The following ROBO2 variants were observed in gnomAD, a reference collection of about 807,000 sequenced individuals.
The protein encoded by ROBO2 is roundabout guidance receptor 2, also known as roundabout homolog 2.
Under a neutral mutation model 160.8 loss-of-function variants are expected in ROBO2, and 53 were observed. The observed-to-expected ratio is 0.33, with a 90% CI of 0.26 to 0.41. The LOEUF is 0.41. Ranked by LOEUF, ROBO2 falls within the 10% of genes least tolerant of loss-of-function variation. The pLI is 1.00. For missense variants in ROBO2, 1,577 were observed against 1,722.4 expected (o/e 0.92, Z 1.49); for synonymous variants, 664 against 611.7 (o/e 1.09, Z -1.26).
chr3:76,479,537 C>G (rs1326811762), intron 2 of ROBO2, among the ~76,000 whole-genome samples: 1 of 152,144 alleles, frequency 6.6e-6, no homozygotes. Context: ...TATAATATTT[C>G]CAGCTTATAC....
At chr3:75,944,726 A>T (rs1948204901) in intron 2 of ROBO2, among the ~76,000 whole-genome samples, 1 of 152,220 alleles carries the variant, frequency 6.6e-6, no homozygotes, top group Non-Finnish European at 1.5e-5. Context: ...GCATTATCAA[A>T]GCATGAACTG....
At chr3:76,318,648 T>G (rs2072251033) in intron 2 of ROBO2, among the ~76,000 whole-genome samples, 1 of 152,136 alleles carries the variant, frequency 6.6e-6, no homozygotes, top group Non-Finnish European at 1.5e-5. Flanking sequence ...CATTATAAGC[T>G]ACATTTTCAA....
intron 2 of ROBO2, among the ~76,000 whole-genome samples, chr3:76,337,523 G>T (rs1315959125): frequency 6.6e-6 from 1 of 151,956 alleles, no homozygotes; most frequent in Admixed American, 6.6e-5. Context: ...TTACAGGATT[G>T]TATCTATTTT....
intron 2 of ROBO2, among the ~76,000 whole-genome samples, chr3:77,438,324 T>G (rs909157839): frequency 6.6e-6 from 1 of 151,854 alleles, no homozygotes; most frequent in Non-Finnish European, 1.5e-5. Context: ...GGACTAGCAA[T>G]TGTCCAAATG....
chr3:76,209,775 G>A (rs1703029619), intron 2 of ROBO2, among the ~76,000 whole-genome samples: 1 of 152,034 alleles, frequency 6.6e-6, no homozygotes, highest in African/African-American at 2.4e-5. Flanking sequence ...ACTACACAGG[G>A]GTATAGAGAA....
chr3:76,620,152 T>C (rs1033381722), intron 2 of ROBO2, among the ~76,000 whole-genome samples: 3 of 152,192 alleles, frequency 2.0e-5, no homozygotes, highest in Non-Finnish European at 4.4e-5. Context: ...TTAAGTAATG[T>C]CAAAGTGATG....
chr3:76,136,658 G>A (rs1647862001), intron 2 of ROBO2, among the ~76,000 whole-genome samples: 1 of 151,768 alleles, frequency 6.6e-6, no homozygotes, highest in Non-Finnish European at 1.5e-5. Context: ...AGCCTGTGAA[G>A]GATTCATTAC....
intron 2 of ROBO2, among the ~76,000 whole-genome samples, chr3:76,521,731 T>C (rs988824082): frequency 1.3e-5 from 2 of 152,188 alleles, no homozygotes; most frequent in African/African-American, 4.8e-5. Flanking sequence ...TTTTCTTTTG[T>C]TCCTTGCCTT....
chr3:75,979,769 G>GC (rs2065227697), intron 2 of ROBO2, among the ~76,000 whole-genome samples: 1 of 151,556 alleles, frequency 6.6e-6, no homozygotes, highest in South Asian at 2.1e-4. Flanking sequence ...AAGCCTGAAA[G>GC]CTACACATTG....
intron 2 of ROBO2, among the ~76,000 whole-genome samples, chr3:76,603,257 G>A (rs187531136): frequency 0.029 from 4,205 of 147,406 alleles, 225 homozygotes; most frequent in African/African-American, 0.1. Flanking sequence ...GCGTGAACCC[G>A]GGAGGCAGAG....
intron 2 of ROBO2, among the ~76,000 whole-genome samples, chr3:76,582,099 C>T (rs1426701866): frequency 6.6e-6 from 1 of 152,080 alleles, no homozygotes; most frequent in Non-Finnish European, 1.5e-5. Flanking sequence ...GTGCCATTGA[C>T]CTGTCCTGAG....
At chr3:76,511,597 A>T (rs1468405251) in intron 2 of ROBO2, among the ~76,000 whole-genome samples, 1 of 152,210 alleles carries the variant, frequency 6.6e-6, no homozygotes, top group Non-Finnish European at 1.5e-5. Flanking sequence ...GAACAGAGGC[A>T]TGAGTGTGGG....
chr3:77,569,457 CT>C (rs890821825), intron 13 of ROBO2, among the ~76,000 whole-genome samples: 67 of 150,844 alleles, frequency 4.4e-4, no homozygotes, highest in Non-Finnish European at 8.3e-4. Context: ...CCTAATTGAA[CT>C]TTTTTTTTAG....
intron 2 of ROBO2, among the ~76,000 whole-genome samples, chr3:76,305,124 C>A (rs1269941542): frequency 4.0e-5 from 6 of 151,826 alleles, no homozygotes; most frequent in Non-Finnish European, 7.4e-5. Flanking sequence ...CATTTTAGAT[C>A]ATGCCTTTAA....
intron 5 of ROBO2, among the ~76,000 whole-genome samples, chr3:77,510,712 A>G (rs2089286764): frequency 6.6e-6 from 1 of 152,086 alleles, no homozygotes; most frequent in Non-Finnish European, 1.5e-5. Context: ...ATTTCATTTG[A>G]AAACTGGATG....
intron 2 of ROBO2, among the ~76,000 whole-genome samples, chr3:76,338,476 A>G (rs970193993): frequency 6.6e-6 from 1 of 152,054 alleles, no homozygotes; most frequent in African/African-American, 2.4e-5. Context: ...CACAAATTCA[A>G]GACCAGCCTG....
chr3:76,726,446 G>T (rs267120), intron 2 of ROBO2, among the ~76,000 whole-genome samples: 85,370 of 152,034 alleles, frequency 0.56, 25,143 homozygotes, highest in Non-Finnish European at 0.66. Flanking sequence ...GTTCAGAATA[G>T]TGATCCTCTA....
chr3:76,842,973 C>A (rs1213500325), intron 2 of ROBO2, among the ~76,000 whole-genome samples: 2 of 151,946 alleles, frequency 1.3e-5, no homozygotes, highest in Non-Finnish European at 2.9e-5. Context: ...ATTTTCAAAT[C>A]TGATACTCAT....
intron 2 of ROBO2, among the ~76,000 whole-genome samples, chr3:77,129,027 A>C (rs568842544): frequency 3.9e-5 from 6 of 152,074 alleles, no homozygotes; most frequent in Admixed American, 3.3e-4. Context: ...GTATTGGCTT[A>C]ATCTTTCTCT....
Sources: gnomAD v4.1 joint callset for allele counts (sites outside exome capture counted in the v4.1 genomes callset) on GRCh38, gnomAD v4.1.1 for gene constraint, MANE v1.5 for transcripts, NCBI Gene and HGNC (gene_info 2026-07-23, HGNC 2026-07-21) for gene names.